The following DDX60L variants were observed in gnomAD, a reference collection of about 807,000 sequenced individuals.
DDX60L encodes the protein probable ATP-dependent RNA helicase DDX60-like.
Under a neutral mutation model 211.6 loss-of-function variants are expected in DDX60L, and 191 were observed. That is an observed-to-expected ratio of 0.90 (90% confidence interval 0.80 to 1.02). The LOEUF (loss-of-function observed/expected upper bound fraction) is 1.02, where lower values mean the gene tolerates loss of function less well. Among genes scored for constraint, DDX60L ranks in the 50% least tolerant of loss-of-function variants. The probability of loss-of-function intolerance (pLI) is 0.00; values close to 1 mark genes in which losing one functional copy is unlikely to be tolerated. For missense variants in DDX60L, 2,007 were observed against 1,984.1 expected, an observed-to-expected ratio of 1.01 and a Z score of -0.22; for synonymous variants, 706 against 694.1, an observed-to-expected ratio of 1.02 and a Z score of -0.27.
At chr4:168,437,977 G>A (rs6851631) in intron 10 of DDX60L, among the ~76,000 whole-genome samples, 45,155 of 152,010 alleles carry the variant, frequency 0.3, 8,207 homozygotes, top group East Asian at 0.62. Context: ...GGGTTCAAGC[G>A]ATTCTCCTGC....
In DDX60L at chr4:168,441,480, T is replaced by C. The variant is rs563347892; in HGVS notation, c.1151A>G (p.Asn384Ser). ...ATCCCTCCTAATGGAATCTCCCAAA[T>C]TCAAATGTGGTTCTGCATAACAATA... is the stretch of plus-strand genomic sequence containing the variant. ...EFESTQEPHL[N>S]LGDSIRRDYE... Residue 384 changes from asparagine to serine, a missense_variant, in exon 10 of 38, where the codon AAT (asparagine) becomes AGT (serine). Asn to Ser is a conservative substitution (Grantham distance 46). Coordinates refer to ENST00000682922, the MANE Select transcript of DDX60L (RefSeq NM_001012967.3). 17 of 1,600,488 alleles carry C rather than the reference T, an allele frequency of 1.1e-5. No individual in the cohort carries two copies. In the South Asian group the frequency reaches 1.8e-4, roughly 17 times the overall value.
intron 17 of DDX60L, among the ~76,000 whole-genome samples, chr4:168,420,724 T>C (rs1750465944): frequency 1.3e-5 from 2 of 151,932 alleles, no homozygotes; most frequent in Non-Finnish European, 2.9e-5. Flanking sequence ...ATCATGTATA[T>C]GGTGACAATG....
At chr4:168,398,834 G>C (rs1159526406) in intron 26 of DDX60L, among the ~76,000 whole-genome samples, 1 of 152,000 alleles carries the variant, frequency 6.6e-6, no homozygotes, top group African/African-American at 2.4e-5. Context: ...CCACTCCAGG[G>C]CCTCATCTCT....
chr4:168,404,097 C>T lies in DDX60L; in HGVS notation c.3223G>A (p.Val1075Ile), dbSNP rs1405809617. 1.5e-6 allele frequency: 2 copies of T among 1,356,492 alleles called. No individual in the cohort carries two copies. Among genetic ancestry groups the T allele is most frequent in the Non-Finnish European group, 1.9e-6 (2 of 1,040,768 alleles). 84.0% of individuals were successfully genotyped at this position (1,356,492 alleles called of 1,614,324 possible). ...GAATCCGGACTAAGGTTCTTCAGTA[C>T]TCTTTTGACCTACAACAGTAAGTAA... is the stretch of plus-strand genomic sequence containing the variant. ...KNGQVKKVKR[V>I]LKNLSPDSLS... Residue 1075 changes from valine to isoleucine, a missense_variant, in exon 25 of 38, where the codon GTA (valine) becomes ATA (isoleucine). By Grantham distance (29) the Val-to-Ile change is conservative (BLOSUM62 3). Coordinates refer to ENST00000682922, the MANE Select transcript of DDX60L (RefSeq NM_001012967.3).
At position 168,423,724 on chromosome 4, in the gene DDX60L, G is replaced by T; in HGVS notation, c.1981C>A (p.His661Asn). 1.9e-6 allele frequency: 3 copies of T among 1,604,876 alleles called. No individual in the cohort carries two copies. The highest frequency in any genetic ancestry group is 3.4e-5 in the Admixed American group (2 of 58,056). ...SIAVQMMKRI[H>N]SLLERYPEIL... ...TCTGGGTATCTCTCCAGGAGTGAATGAATCCTTTTCATCATTTGAACAGCT... is the reference window on the plus strand; with the variant it reads ...TCTGGGTATCTCTCCAGGAGTGAATTAATCCTTTTCATCATTTGAACAGCT... The change falls in exon 15 of 38, where the codon CAT becomes AAT. Residue 661 changes from histidine (H) to asparagine (N), a missense_variant. Physicochemically the swap from His to Asn is moderately conservative, Grantham distance 68 (BLOSUM62 1). Coordinates refer to ENST00000682922, the MANE Select transcript of DDX60L (RefSeq NM_001012967.3).
Position 168,441,405 on chromosome 4 carries a change from A to G in DDX60L, c.1226T>C (p.Val409Ala). The G allele has an allele frequency of 1.2e-6, 2 of 1,613,270 alleles. No homozygotes were observed. Among genetic ancestry groups the G allele is most frequent in the Non-Finnish European group, 1.7e-6 (2 of 1,179,552 alleles). Residue 409 changes from valine (V) to alanine (A), a missense_variant, in exon 10 of 38, where the codon GTT becomes GCT. Val to Ala is a moderately conservative substitution (Grantham distance 64). Coordinates refer to ENST00000682922, the MANE Select transcript of DDX60L (RefSeq NM_001012967.3). The stretch of plus-strand genomic sequence containing the variant: ...TGTTCTCAGAGGAAAAGACTTTCCA[A>G]CGTTAAATTCTTTAACCAGGTGTGA... ...VVSHLVKEFN[V>A]GKSFPLRTTR...
intron 14 of DDX60L, 130 bp downstream of exon 14, chr4:168,426,940 G>A: frequency 9.6e-7 from 1 of 1,045,086 alleles, no homozygotes; most frequent in South Asian, 1.8e-5. Context: ...TATCTTAAAG[G>A]GTCATGTTGA....
At chr4:168,399,609 C>A (rs1265695943) in intron 26 of DDX60L, among the ~76,000 whole-genome samples, 1 of 152,142 alleles carries the variant, frequency 6.6e-6, no homozygotes, top group East Asian at 1.9e-4. Context: ...AACAGGTGAA[C>A]CTGGAACAAG....
intron 27 of DDX60L, chr4:168,395,731 G>A (rs997410483): frequency 4.6e-5 from 19 of 414,414 alleles, no homozygotes; most frequent in Non-Finnish European, 2.5e-5. Flanking sequence ...GGATAATAGA[G>A]TGAAATAAAA....
rs1295523681 is a variant in DDX60L at position 168,364,255 on chromosome 4, G to A, written c.4929-3044C>T. On this transcript the variant is annotated intron_variant, in intron 36 of 37. Transcript: ENST00000682922. Reference sequence around the variant, plus strand: ...AAAGAGAAATCAAAAGTGAGCAGGAGTAGCAATACTTATATCAGATAAAAT... The same window carrying A: ...AAAGAGAAATCAAAAGTGAGCAGGAATAGCAATACTTATATCAGATAAAAT... 2.6e-5 allele frequency among the ~76,000 whole-genome samples: 4 copies of A among 152,172 alleles called. No individual in the cohort carries two copies. The South Asian group carries it at 8.3e-4, about 31-fold the overall frequency.
intron 15 of DDX60L, 60 bp from the exon 16 acceptor site, chr4:168,422,730 T>G: frequency 7.6e-7 from 1 of 1,320,910 alleles, no homozygotes; most frequent in Non-Finnish European, 1.0e-6. Context: ...TAAACATTTA[T>G]TAAATATCCA....
chr4:168,395,843 GATAATC>G (rs546718103), intron 27 of DDX60L, 110 bp downstream of exon 27: 2 of 732,680 alleles, frequency 2.7e-6, no homozygotes, highest in East Asian at 5.5e-5. Flanking sequence ...CACACACAGA[GATAATC>G]ATATTTCAAA....
At chr4:168,365,258 C>T (rs1210197733) in intron 36 of DDX60L, among the ~76,000 whole-genome samples, 1 of 151,644 alleles carries the variant, frequency 6.6e-6, no homozygotes. Context: ...AAAAGATAAA[C>T]AAAATTGATA....
intron 14 of DDX60L, among the ~76,000 whole-genome samples, chr4:168,424,195 C>T (rs1337135971): frequency 6.6e-6 from 1 of 152,186 alleles, no homozygotes; most frequent in East Asian, 1.9e-4. Flanking sequence ...ACATGAGCAA[C>T]ATTTATCAAG....
chr4:168,419,271 AC>A (rs1447320411), intron 19 of DDX60L, 30 bp downstream of exon 19: 1 of 1,485,080 alleles, frequency 6.7e-7, no homozygotes, highest in Non-Finnish European at 9.2e-7. Context: ...GCAGACTAGA[AC>A]ATCAACCAGA....
chr4:168,405,828 T>C, intron 24 of DDX60L, 122 bp downstream of exon 24: 1 of 1,064,256 alleles, frequency 9.4e-7, no homozygotes, highest in Non-Finnish European at 1.3e-6. Flanking sequence ...CATGTTTAAA[T>C]GGAATTACTA....
chr4:168,364,149 A>G (rs1418050305), intron 36 of DDX60L, among the ~76,000 whole-genome samples: 1 of 152,126 alleles, frequency 6.6e-6, no homozygotes, highest in African/African-American at 2.4e-5. Context: ...GTACAATTGT[A>G]TGCTGACTAC....
intron 1 of DDX60L, among the ~76,000 whole-genome samples, chr4:168,477,967 C>T (rs575424165): frequency 6.6e-6 from 1 of 152,192 alleles, no homozygotes; most frequent in Non-Finnish European, 1.5e-5. Context: ...GCGCCTCATA[C>T]CTATAATCCC....
intron 1 of DDX60L, among the ~76,000 whole-genome samples, chr4:168,473,506 T>C (rs1411143237): frequency 1.3e-5 from 2 of 152,126 alleles, no homozygotes; most frequent in Non-Finnish European, 2.9e-5. Context: ...AGTTTGGCAA[T>C]AGATTCCACA....
Sources: allele counts gnomAD v4.1 joint callset (sites outside exome capture counted in the v4.1 genomes callset), GRCh38; gene constraint gnomAD v4.1.1; transcripts MANE v1.5; gene names NCBI Gene and HGNC (gene_info 2026-07-23, HGNC 2026-07-21).